Variants in LRRTM4 observed in about 807,000 individuals in gnomAD.
LRRTM4 encodes the protein leucine-rich repeat transmembrane neuronal protein 4.
A neutral mutation model predicts 47.6 loss-of-function variants in LRRTM4; 25 were observed. The ratio of observed to expected loss-of-function variants is 0.53; its 90% CI spans 0.38 to 0.73. LRRTM4 has a LOEUF of 0.73. Ranked by LOEUF, LRRTM4 falls within the 30% of genes least tolerant of loss-of-function variation. LRRTM4 has a pLI of 0.00. For missense variants in LRRTM4, 638 were observed against 713.4 expected, an observed-to-expected ratio of 0.89 and a Z score of 1.20; for synonymous variants, 311 against 269.5, an observed-to-expected ratio of 1.15 and a Z score of -1.51.
chr2:77,399,604 CTAAACTAA>C (rs199598963), intron 3 of LRRTM4, among the ~76,000 whole-genome samples: 4,919 of 151,838 alleles, frequency 0.032, 270 homozygotes, highest in African/African-American at 0.11. Flanking sequence ...AGTAACTAAA[CTAAACTAA>C]ACTAAAGACC....
At chr2:76,777,276 T>C (rs2104138808) in intron 3 of LRRTM4, among the ~76,000 whole-genome samples, 1 of 146,420 alleles carries the variant, frequency 6.8e-6, no homozygotes, top group African/African-American at 2.5e-5. Context: ...TTTAAAGTAG[T>C]TTTTTCCAAT....
chr2:77,077,342 G>C (rs959313669), intron 3 of LRRTM4, among the ~76,000 whole-genome samples: 4 of 152,068 alleles, frequency 2.6e-5, no homozygotes, highest in Admixed American at 2.0e-4. Flanking sequence ...CCTATAGTAA[G>C]ACTAGCTTAT....
At chr2:77,478,633 C>A (rs1677529869) in intron 3 of LRRTM4, among the ~76,000 whole-genome samples, 1 of 152,196 alleles carries the variant, frequency 6.6e-6, no homozygotes, top group South Asian at 2.1e-4. Context: ...CTGGTATACA[C>A]ACACTGACAC....
At chr2:76,751,898 C>T (rs1050373657) in intron 3 of LRRTM4, among the ~76,000 whole-genome samples, 2 of 152,130 alleles carry the variant, frequency 1.3e-5, no homozygotes, top group Non-Finnish European at 2.9e-5. Flanking sequence ...GGTGAAGTAA[C>T]ATAATTTGAA....
chr2:77,465,949 A>G (rs910254962), intron 3 of LRRTM4, among the ~76,000 whole-genome samples: 5 of 149,752 alleles, frequency 3.3e-5, no homozygotes, highest in Non-Finnish European at 7.5e-5. Context: ...CTCAAATGCA[A>G]TATGGACTGT....
chr2:76,788,703 A>G lies in LRRTM4; in HGVS notation c.1552-39787T>C, dbSNP rs147723838. On this transcript the variant is annotated intron_variant, in intron 3 of 3. Transcript: ENST00000409884. The stretch of plus-strand genomic sequence containing the variant: ...CTTGTAGGACTGTGTGTCTTTGTTC[A>G]GTGTCCTTTTATATCTATTCTATCA... Among the ~76,000 whole-genome samples the G allele has an allele frequency of 5.9e-5, 9 of 152,334 alleles. No individual in the cohort carries two copies. In the South Asian group the frequency reaches 1.2e-3, roughly 21 times the overall value.
Position 77,322,920 on chromosome 2 carries a change from AC to A in LRRTM4, c.1551+195397del, listed in dbSNP as rs79762378. On this transcript the variant is annotated intron_variant, in intron 3 of 3. Coordinates refer to ENST00000409884, the MANE Select transcript of LRRTM4 (RefSeq NM_001134745.3). ...GAAATGTCAGCATCTGATAACTGTTACATGGATATTTATATTAGTAATAAAA... is the reference window on the plus strand; with the variant it reads ...GAAATGTCAGCATCTGATAACTGTTAATGGATATTTATATTAGTAATAAAA... 3.4e-3 allele frequency among the ~76,000 whole-genome samples: 519 copies of A among 151,808 alleles called. 16 individuals carry two copies. The East Asian group carries it at 0.071, about 21-fold the overall frequency.
At chr2:77,096,541 G>A (rs1202293229) in intron 3 of LRRTM4, among the ~76,000 whole-genome samples, 3 of 151,312 alleles carry the variant, frequency 2.0e-5, no homozygotes, top group Non-Finnish European at 4.4e-5. Flanking sequence ...ATTAAAAGTC[G>A]AGAATAAAAG....
chr2:77,494,588 AT>A (rs34983876), intron 3 of LRRTM4, among the ~76,000 whole-genome samples: 3,227 of 148,796 alleles, frequency 0.022, 117 homozygotes, highest in African/African-American at 0.074. Context: ...TGCTTTTCCC[AT>A]TTTTTTTTTA....
intron 3 of LRRTM4, among the ~76,000 whole-genome samples, chr2:76,900,954 A>C (rs539161450): frequency 6.6e-6 from 1 of 152,196 alleles, no homozygotes; most frequent in Non-Finnish European, 1.5e-5. Flanking sequence ...ATTTTCTAAC[A>C]TTTCTTTCTC....
intron 3 of LRRTM4, among the ~76,000 whole-genome samples, chr2:77,093,819 A>G (rs1670726490): frequency 1.3e-5 from 2 of 151,834 alleles, no homozygotes; most frequent in African/African-American, 4.9e-5. Flanking sequence ...AGAAGTGTAA[A>G]TGGCCGGTCC....
chr2:76,771,772 C>G (rs1425123909), intron 3 of LRRTM4, among the ~76,000 whole-genome samples: 3 of 152,230 alleles, frequency 2.0e-5, no homozygotes, highest in Middle Eastern at 3.4e-3. Context: ...AGGGACTGGT[C>G]CCTTCCTTTG....
chr2:77,453,841 G>A (rs546254353), intron 3 of LRRTM4, among the ~76,000 whole-genome samples: 1 of 151,996 alleles, frequency 6.6e-6, no homozygotes, highest in South Asian at 2.1e-4. Context: ...TTTCATAATA[G>A]TATTTAACTT....
chr2:76,870,105 G>A (rs1392067012), intron 3 of LRRTM4, among the ~76,000 whole-genome samples: 4 of 152,146 alleles, frequency 2.6e-5, no homozygotes, highest in African/African-American at 4.8e-5. Flanking sequence ...ATGCTTACCA[G>A]TAGCCAGGAT....
At chr2:77,090,595 G>GC (rs924726687) in intron 3 of LRRTM4, among the ~76,000 whole-genome samples, 1 of 152,028 alleles carries the variant, frequency 6.6e-6, no homozygotes, top group African/African-American at 2.4e-5. Context: ...ACTTCCAAAC[G>GC]CCTGAACCGC....
At chr2:77,448,110 C>T (rs938418186) in intron 3 of LRRTM4, among the ~76,000 whole-genome samples, 6 of 152,124 alleles carry the variant, frequency 3.9e-5, no homozygotes, top group African/African-American at 1.4e-4. Flanking sequence ...TAATTAATTT[C>T]TTATCCACTC....
At chr2:77,027,651 A>G (rs1289402173) in intron 3 of LRRTM4, among the ~76,000 whole-genome samples, 6 of 152,214 alleles carry the variant, frequency 3.9e-5, no homozygotes, top group Admixed American at 2.6e-4. Flanking sequence ...AGAGCCTTCT[A>G]AACAACTGTA....
At chr2:76,829,032 G>A (rs562740463) in intron 3 of LRRTM4, among the ~76,000 whole-genome samples, 1 of 151,960 alleles carries the variant, frequency 6.6e-6, no homozygotes, top group East Asian at 1.9e-4. Flanking sequence ...CTTCCCATGT[G>A]ACCAGGGGTA....
intron 3 of LRRTM4, among the ~76,000 whole-genome samples, chr2:77,106,376 C>T (rs1671092957): frequency 6.6e-6 from 1 of 152,102 alleles, no homozygotes; most frequent in South Asian, 2.1e-4. Context: ...GTCCTTGTGG[C>T]ACTTATTTAA....
Sources: allele counts gnomAD v4.1 joint callset (sites outside exome capture counted in the v4.1 genomes callset), GRCh38; gene constraint gnomAD v4.1.1; transcripts MANE v1.5; gene names NCBI Gene and HGNC (gene_info 2026-07-23, HGNC 2026-07-21).